ISY1: variants seen among roughly 807,000 people sequenced by gnomAD.
ISY1 encodes the protein pre-mRNA-splicing factor ISY1 homolog.
A neutral mutation model predicts 54.4 loss-of-function variants in ISY1; 12 were observed. The observed-to-expected ratio is 0.22, with a 90% CI of 0.14 to 0.36. The LOEUF (loss-of-function observed/expected upper bound fraction) is 0.36. ISY1 is among the 10% of genes least tolerant of loss of function. The probability of loss-of-function intolerance (pLI) is 1.00; values close to 1 mark genes in which losing one functional copy is unlikely to be tolerated. For synonymous variants in ISY1, 96 were observed against 117.9 expected (o/e 0.81, Z 1.20); for missense variants, 282 against 342.2 (o/e 0.82, Z 1.39).
At chr3:129,154,512 T>A (rs1268721603) in intron 5 of ISY1, among the ~76,000 whole-genome samples, 2 of 151,226 alleles carry the variant, frequency 1.3e-5, no homozygotes, top group Non-Finnish European at 2.9e-5. Flanking sequence ...TTGTAAGGAA[T>A]TGACCTATTT....
At chr3:129,155,811 C>T (rs1338134203) in intron 5 of ISY1, among the ~76,000 whole-genome samples, 5 of 151,284 alleles carry the variant, frequency 3.3e-5, no homozygotes, top group East Asian at 2.0e-4. Flanking sequence ...AACCTCCGCC[C>T]GTTAGGTTCA....
At position 129,132,051 on chromosome 3, in the gene ISY1, A is replaced by G. The variant is rs558193005; in HGVS notation, c.664-1415T>C. Among the ~76,000 whole-genome samples the G allele has an allele frequency of 2.6e-5, 4 of 152,076 alleles. No homozygotes were observed. In the South Asian group the frequency reaches 8.3e-4, roughly 32 times the overall value. On this transcript the variant is annotated intron_variant, in intron 9 of 10. Coordinates refer to ENST00000393295, the MANE Select transcript of ISY1 (RefSeq NM_020701.4). ...TCATTGTGTTGCCAGACTGGTCTTG[A>G]ACTCCTGAGTTCAAGCAATCCTCCC...
At chr3:129,137,158 A>G (rs895277493) in intron 7 of ISY1, 18 of 536,078 alleles carry the variant, frequency 3.4e-5, no homozygotes, top group African/African-American at 3.1e-4. Context: ...TCAGCCTCCC[A>G]AAGTGCTGGG....
At chr3:129,158,655 C>A in intron 2 of ISY1, 96 bp from the exon 3 acceptor site, 3 of 1,505,820 alleles carry the variant, frequency 2.0e-6, no homozygotes, top group Non-Finnish European at 2.7e-6. Context: ...CTGCTTATGA[C>A]CATATTTAAT....
At chr3:129,151,206 T>C (rs994199555) in intron 5 of ISY1, among the ~76,000 whole-genome samples, 4 of 148,492 alleles carry the variant, frequency 2.7e-5, no homozygotes, top group Admixed American at 1.4e-4. Flanking sequence ...TATATATGAA[T>C]ATATATGGGG....
intron 5 of ISY1, among the ~76,000 whole-genome samples, chr3:129,156,173 C>T (rs891818817): frequency 4.0e-5 from 6 of 151,616 alleles, no homozygotes; most frequent in Admixed American, 6.6e-5. Context: ...CTGAGGCGGG[C>T]GAATTGCAAG....
At chr3:129,139,549 T>A (rs1049172705) in intron 7 of ISY1, among the ~76,000 whole-genome samples, 5 of 151,972 alleles carry the variant, frequency 3.3e-5, no homozygotes, top group Non-Finnish European at 7.4e-5. Context: ...AACTCCAGAC[T>A]AACAGTTTCA....
intron 5 of ISY1, among the ~76,000 whole-genome samples, chr3:129,147,310 G>T (rs1936795872): frequency 6.6e-6 from 1 of 152,058 alleles, no homozygotes; most frequent in South Asian, 2.1e-4. Context: ...CTGGGAGGCA[G>T]AGGTTGCACT....
At chr3:129,131,761 C>T (rs1463244880) in intron 9 of ISY1, among the ~76,000 whole-genome samples, 2 of 152,116 alleles carry the variant, frequency 1.3e-5, no homozygotes, top group African/African-American at 4.8e-5. Context: ...ATGACAAAAT[C>T]AGAGATGGAG....
At chr3:129,149,973 CAAAAAA>C (rs200338338) in intron 5 of ISY1, among the ~76,000 whole-genome samples, 14 of 90,788 alleles carry the variant, frequency 1.5e-4, no homozygotes, top group South Asian at 3.8e-4. Context: ...GGCTCTATCT[CAAAAAA>C]AAAAAAAAAA....
At chr3:129,157,386 A>C (rs1218092076) in intron 3 of ISY1, among the ~76,000 whole-genome samples, 2 of 152,004 alleles carry the variant, frequency 1.3e-5, no homozygotes, top group Non-Finnish European at 2.9e-5. Context: ...TCCACATCAT[A>C]CTCCAGTCCC....
chr3:129,134,649 C>A (rs1319268246), intron 8 of ISY1, among the ~76,000 whole-genome samples, 183 bp downstream of exon 8: 1 of 152,204 alleles, frequency 6.6e-6, no homozygotes, highest in Admixed American at 6.5e-5. Context: ...CCTGTTACCT[C>A]TGGCCCACAC....
intron 5 of ISY1, among the ~76,000 whole-genome samples, chr3:129,149,970 T>A (rs1489345470): frequency 7.5e-6 from 1 of 132,592 alleles, no homozygotes; most frequent in East Asian, 2.2e-4. Flanking sequence ...AAAGGCTCTA[T>A]CTCAAAAAAA....
At chr3:129,158,610 A>T in intron 2 of ISY1, 51 bp from the exon 3 acceptor site, 1 of 1,611,812 alleles carries the variant, frequency 6.2e-7, no homozygotes, top group Non-Finnish European at 8.5e-7. Context: ...GCTCATACAG[A>T]CTTCTCATTA....
intron 10 of ISY1, 42 bp from the exon 11 acceptor site, chr3:129,130,230 C>T: frequency 6.5e-7 from 1 of 1,547,080 alleles, no homozygotes; most frequent in Non-Finnish European, 8.7e-7. Flanking sequence ...TCAGCAAAGC[C>T]CCTCAACCCC....
intron 10 of ISY1, 134 bp from the exon 11 acceptor site, chr3:129,130,322 A>G: frequency 7.6e-7 from 1 of 1,311,640 alleles, no homozygotes; most frequent in Non-Finnish European, 1.0e-6. Flanking sequence ...AGTCTCCAAG[A>G]GTCCTAACTC....
chr3:129,158,629 C>T, intron 2 of ISY1, 70 bp from the exon 3 acceptor site: 1 of 1,596,894 alleles, frequency 6.3e-7, no homozygotes, highest in South Asian at 1.1e-5. Flanking sequence ...TACCCATGTT[C>T]CTGTATGGGG....
chr3:129,140,068 T>C (rs907989724), intron 7 of ISY1, among the ~76,000 whole-genome samples: 5 of 152,226 alleles, frequency 3.3e-5, no homozygotes, highest in African/African-American at 1.2e-4. Context: ...CCTGCCCCAA[T>C]CGTTCTGGGA....
Position 129,130,206 on chromosome 3 carries a change from G to C in ISY1, c.751-18C>G. ...TCCTCAATCTGTGGAAATTAAGAGT[G>C]CAGGGCTCACTCCTCAGCAAAGCCC... is the stretch of plus-strand genomic sequence containing the variant. On this transcript the variant is annotated intron_variant, in intron 10 of 10. Coordinates refer to ENST00000393295, the MANE Select transcript of ISY1 (RefSeq NM_020701.4). The C allele has an allele frequency of 1.9e-6, 3 of 1,589,318 alleles. No homozygotes were observed. The highest frequency in any genetic ancestry group is 2.6e-6 in the Non-Finnish European group (3 of 1,169,890).
Sources: gnomAD v4.1 joint callset for allele counts (sites outside exome capture counted in the v4.1 genomes callset) on GRCh38, gnomAD v4.1.1 for gene constraint, MANE v1.5 for transcripts, NCBI Gene and HGNC (gene_info 2026-07-23, HGNC 2026-07-21) for gene names.